Variants in TSHZ2 observed in about 807,000 individuals in gnomAD.
TSHZ2 encodes the protein teashirt zinc finger homeobox 2, also known as teashirt homolog 2.
TSHZ2 carries 21 observed loss-of-function variants against 74.4 expected under a neutral mutation model. The observed-to-expected ratio is 0.28, with a 90% CI of 0.20 to 0.41. TSHZ2 has a LOEUF of 0.41. TSHZ2 is among the 10% of genes least tolerant of loss of function. The pLI, the probability that TSHZ2 is intolerant of heterozygous loss-of-function variation, is 1.00. For missense variants in TSHZ2, 1,244 were observed against 1,293.5 expected (o/e 0.96, Z 0.59); for synonymous variants, 540 against 515.3 (o/e 1.05, Z -0.65).
chr20:53,314,418 G>T (rs987753355), intron 2 of TSHZ2, among the ~76,000 whole-genome samples: 1 of 152,060 alleles, frequency 6.6e-6, no homozygotes, highest in African/African-American at 2.4e-5. Context: ...TTCATTCTGT[G>T]GGTCAGGAAT....
At chr20:53,478,262 C>A (rs2145849629) in intron 2 of TSHZ2, among the ~76,000 whole-genome samples, 1 of 150,816 alleles carries the variant, frequency 6.6e-6, no homozygotes, top group African/African-American at 2.4e-5. Flanking sequence ...GGAACCAACC[C>A]AAATGTCCAA....
At chr20:53,449,734 TATTC>T (rs1223132839) in intron 2 of TSHZ2, among the ~76,000 whole-genome samples, 1 of 141,654 alleles carries the variant, frequency 7.1e-6, no homozygotes, top group African/African-American at 2.7e-5. Context: ...GTTAATTAAT[TATTC>T]ATTTATTGAT....
intron 2 of TSHZ2, among the ~76,000 whole-genome samples, chr20:53,281,347 A>G (rs757348122): frequency 6.6e-6 from 1 of 152,220 alleles, no homozygotes; most frequent in African/African-American, 2.4e-5. Flanking sequence ...GGTCAAAAAA[A>G]GCTTGGTGTA....
At chr20:53,036,813 TAACA>T (rs1490806323) in intron 1 of TSHZ2, among the ~76,000 whole-genome samples, 1 of 149,180 alleles carries the variant, frequency 6.7e-6, no homozygotes, top group Admixed American at 6.7e-5. Context: ...TATTCATATA[TAACA>T]AACATTATTT....
At chr20:53,247,038 C>T (rs557839189) in intron 1 of TSHZ2, among the ~76,000 whole-genome samples, 5 of 152,218 alleles carry the variant, frequency 3.3e-5, no homozygotes, top group East Asian at 3.9e-4. Flanking sequence ...CTCAGGATGG[C>T]CCCCCATCAC....
At chr20:53,041,173 A>G (rs1256868416) in intron 1 of TSHZ2, among the ~76,000 whole-genome samples, 1 of 152,218 alleles carries the variant, frequency 6.6e-6, no homozygotes. Context: ...TAAATCAAGA[A>G]GATTAATTTA....
intron 1 of TSHZ2, among the ~76,000 whole-genome samples, chr20:53,156,223 CA>C (rs1987790737): frequency 1.3e-5 from 2 of 151,986 alleles, no homozygotes; most frequent in Non-Finnish European, 2.9e-5. Context: ...AGCAATGGGC[CA>C]AAAAAGCTAG....
intron 1 of TSHZ2, among the ~76,000 whole-genome samples, chr20:53,201,011 CATTA>C (rs892992123): frequency 6.9e-6 from 1 of 144,148 alleles, no homozygotes; most frequent in Non-Finnish European, 1.5e-5. Flanking sequence ...TGAAATTTTC[CATTA>C]ATTTTTTTTT....
chr20:53,201,658 C>T (rs1056931083), intron 1 of TSHZ2, among the ~76,000 whole-genome samples: 18 of 152,182 alleles, frequency 1.2e-4, no homozygotes, highest in Non-Finnish European at 2.5e-4. Context: ...GCCATGATCT[C>T]GCCTGTCACA....
At chr20:53,182,269 T>C (rs1988498894) in intron 1 of TSHZ2, among the ~76,000 whole-genome samples, 1 of 151,198 alleles carries the variant, frequency 6.6e-6, no homozygotes, top group Non-Finnish European at 1.5e-5. Flanking sequence ...TCTCTCCTTC[T>C]TCCCTCCCTC....
intron 2 of TSHZ2, among the ~76,000 whole-genome samples, chr20:53,354,649 G>C (rs996728304): frequency 2.0e-5 from 3 of 152,192 alleles, no homozygotes; most frequent in Non-Finnish European, 2.9e-5. Flanking sequence ...GAAATTCCGA[G>C]ATGAAAACTC....
chr20:53,289,205 C>T (rs1991233689), intron 2 of TSHZ2, among the ~76,000 whole-genome samples: 1 of 152,030 alleles, frequency 6.6e-6, no homozygotes, highest in African/African-American at 2.4e-5. Context: ...TTTCTTTATC[C>T]ACTCTTTGGT....
chr20:53,439,766 T>A (rs564630728), intron 2 of TSHZ2, among the ~76,000 whole-genome samples: 2 of 152,354 alleles, frequency 1.3e-5, no homozygotes, highest in South Asian at 4.1e-4. Context: ...CCCCTTGTTT[T>A]CAAACTGAAT....
intron 1 of TSHZ2, among the ~76,000 whole-genome samples, chr20:53,022,229 A>G (rs1319132905): frequency 6.6e-6 from 1 of 152,248 alleles, no homozygotes; most frequent in Non-Finnish European, 1.5e-5. Flanking sequence ...TCCTAGCACT[A>G]GACTCTAAGA....
chr20:53,134,410 G>A lies in TSHZ2; in HGVS notation c.41-119089G>A, dbSNP rs1307835115. On this transcript the variant is annotated intron_variant, in intron 1 of 2. Coordinates refer to ENST00000371497, the MANE Select transcript of TSHZ2 (RefSeq NM_173485.6). ...ATATATGTTTTTTTCTGACACTGTAGAATGTTTAGTGTTCATTTAACCTGG... is the reference window on the plus strand; with the variant it reads ...ATATATGTTTTTTTCTGACACTGTAAAATGTTTAGTGTTCATTTAACCTGG... Among the ~76,000 whole-genome samples, 3 of 152,298 alleles carry A rather than the reference G, an allele frequency of 2.0e-5. No individual in the cohort carries two copies. The East Asian group carries it at 5.8e-4, about 29-fold the overall frequency.
intron 2 of TSHZ2, among the ~76,000 whole-genome samples, chr20:53,379,254 C>T (rs965610677): frequency 1.3e-5 from 2 of 152,132 alleles, no homozygotes; most frequent in South Asian, 2.1e-4. Flanking sequence ...TGGTGTCACG[C>T]GCCTGTAGTC....
chr20:53,293,713 A>AAG (rs1468892248), intron 2 of TSHZ2, among the ~76,000 whole-genome samples: 2 of 148,334 alleles, frequency 1.3e-5, no homozygotes, highest in African/African-American at 2.6e-5. Flanking sequence ...AAAAAAAAAA[A>AAG]AAAAAGAAAA....
chr20:53,014,659 A>G (rs1982973007), intron 1 of TSHZ2, among the ~76,000 whole-genome samples: 1 of 152,072 alleles, frequency 6.6e-6, no homozygotes, highest in Non-Finnish European at 1.5e-5. Flanking sequence ...TTTCCGTGCT[A>G]GGAAATGTAC....
intron 2 of TSHZ2, among the ~76,000 whole-genome samples, chr20:53,476,435 G>A (rs1177855249): frequency 2.0e-5 from 3 of 151,984 alleles, no homozygotes; most frequent in Non-Finnish European, 4.4e-5. Flanking sequence ...TAGATGCAGA[G>A]AAGGCCTTTG....
Sources: allele counts gnomAD v4.1 joint callset (sites outside exome capture counted in the v4.1 genomes callset), GRCh38; gene constraint gnomAD v4.1.1; transcripts MANE v1.5; gene names NCBI Gene and HGNC (gene_info 2026-07-23, HGNC 2026-07-21).